The following ZNF131 variants were observed in gnomAD, a reference collection of about 807,000 sequenced individuals.
ZNF131 encodes the protein zinc finger and BTB domain containing 35.
ZNF131 carries 7 observed loss-of-function variants against 60.0 expected under a neutral mutation model. That is an observed-to-expected ratio of 0.12 (90% CI 0.07 to 0.22). The LOEUF (loss-of-function observed/expected upper bound fraction) is 0.22. Ranked by LOEUF, ZNF131 falls within the 10% of genes least tolerant of loss-of-function variation. The pLI is 1.00. For synonymous variants in ZNF131, 257 were observed against 253.2 expected, an observed-to-expected ratio of 1.01 and a Z score of -0.14; for missense variants, 493 against 740.9, an observed-to-expected ratio of 0.67 and a Z score of 3.88.
At position 43,176,264 on chromosome 5, in the gene ZNF131, T is replaced by G. The variant is rs534335149; in HGVS notation, c.*1131T>G. On this transcript the variant is annotated 3_prime_UTR_variant, in exon 7 of 7. Coordinates refer to ENST00000682664, the MANE Select transcript of ZNF131 (RefSeq NM_001330707.2). ...AAACCCATAGACCAATATGCTATTT[T>G]TTTTACCTGTTAAATATTGGGAGTT... The G allele has an allele frequency of 6.6e-6, 1 of 152,344 alleles. No homozygotes were observed. Among genetic ancestry groups the G allele is most frequent in the South Asian group, 2.1e-4 (1 of 4,832 alleles). The allele number at this position is 152,344 out of a possible 1,614,324, so 9.4% of individuals were successfully genotyped here. A position where few individuals can be genotyped will look rare whatever the true frequency, so the allele number is the denominator to read the frequency against.
Position 43,120,932 on chromosome 5 carries a change from G to A in ZNF131, c.-207G>A, listed in dbSNP as rs1217865729. On this transcript the variant is annotated 5_prime_UTR_variant, in exon 1 of 7. It adds an upstream start codon to the 5' untranslated region. Transcript: ENST00000682664. ...CGCTGCCGGGGCCGCGGCCGCCCGG[G>A]TGCCCAACCGAACGCACGTGCGCCA... 6.6e-6 allele frequency: 1 copy of A among 152,198 alleles called. No individual in the cohort carries two copies. The highest frequency in any genetic ancestry group is 1.5e-5 in the Non-Finnish European group (1 of 68,034). The allele number at this position is 152,198 out of a possible 1,614,324, so 9.4% of individuals were successfully genotyped here. A position where few individuals can be genotyped will look rare whatever the true frequency, so the allele number is the denominator to read the frequency against.
chr5:43,121,988 G>A, intron 1 of ZNF131, 51 bp from the exon 2 acceptor site: 2 of 1,573,044 alleles, frequency 1.3e-6, no homozygotes, highest in South Asian at 1.2e-5. Flanking sequence ...TAGGGGTTTT[G>A]TTCCTCGGCT....
intron 5 of ZNF131, chr5:43,167,905 A>C (rs1176272119): frequency 2.3e-6 from 1 of 443,358 alleles, no homozygotes; most frequent in Non-Finnish European, 4.5e-6. Context: ...AGAATTTATA[A>C]AGAAAAGGAA....
At chr5:43,135,778 A>G (rs1561399447) in intron 3 of ZNF131, among the ~76,000 whole-genome samples, 1 of 152,248 alleles carries the variant, frequency 6.6e-6, no homozygotes, top group East Asian at 1.9e-4. Flanking sequence ...TGGAACACTC[A>G]GTATTGTTAA....
At chr5:43,128,656 C>CAAAAAAAAAA (rs1170687481) in intron 3 of ZNF131, among the ~76,000 whole-genome samples, 10 of 70,122 alleles carry the variant, frequency 1.4e-4, no homozygotes, top group Admixed American at 1.8e-4. Flanking sequence ...GACTCCATCT[C>CAAAAAAAAAA]AAAAAAAAAA....
Position 43,175,610 on chromosome 5 carries a change from T to C in ZNF131, c.*477T>C, listed in dbSNP as rs76797695. On this transcript the variant is annotated 3_prime_UTR_variant, in exon 7 of 7. Transcript: ENST00000682664. ...GTGCATTGTTACTGTGCAGTTAAATTTTGGCTTCTGGCTTTCTTTAGTTTG... is the reference window on the plus strand; with the variant it reads ...GTGCATTGTTACTGTGCAGTTAAATCTTGGCTTCTGGCTTTCTTTAGTTTG... The C allele has an allele frequency of 1.8e-3, 1,014 of 553,762 alleles. 3 individuals are homozygous for C. The African/African-American group carries it at 0.018, about 10-fold the overall frequency. The allele number at this position is 553,762 out of a possible 1,614,324, so 34.3% of individuals were successfully genotyped here.
chr5:43,131,905 A>G (rs1745409783), intron 3 of ZNF131, among the ~76,000 whole-genome samples: 1 of 152,152 alleles, frequency 6.6e-6, no homozygotes. Flanking sequence ...CCAAGCAGGA[A>G]GGAAAAGTTT....
chr5:43,127,035 T>C (rs899660825), intron 3 of ZNF131, among the ~76,000 whole-genome samples: 1 of 152,184 alleles, frequency 6.6e-6, no homozygotes, highest in Admixed American at 6.5e-5. Flanking sequence ...GTTTTGAGTT[T>C]TGATTTCTCT....
intron 5 of ZNF131, among the ~76,000 whole-genome samples, chr5:43,163,280 T>C (rs1234495085): frequency 6.6e-6 from 1 of 152,052 alleles, no homozygotes; most frequent in Non-Finnish European, 1.5e-5. Context: ...ATCCGGCCCA[T>C]GTTTATACTT....
chr5:43,160,427 G>T (rs2111930102), intron 4 of ZNF131, among the ~76,000 whole-genome samples: 1 of 151,848 alleles, frequency 6.6e-6, no homozygotes, highest in South Asian at 2.1e-4. Context: ...TTGAGCCCAA[G>T]AGGTTGAAGC....
chr5:43,121,763 C>T (rs1316290917), intron 1 of ZNF131: 4 of 226,576 alleles, frequency 1.8e-5, no homozygotes, highest in African/African-American at 4.6e-5. Context: ...CTTGCGCGCC[C>T]TGGCGCTCGG....
chr5:43,141,595 G>A lies in ZNF131; in HGVS notation c.371+2286G>A, dbSNP rs192176896. On this transcript the variant is annotated intron_variant, in intron 4 of 6. Transcript: ENST00000682664. ...ACCAGCCTGGGCACCATGGTGAAAC[G>A]CCAACTCTATGAAAAATACAAAAAT... Among the ~76,000 whole-genome samples, 890 of 151,852 alleles carry A rather than the reference G, an allele frequency of 5.9e-3. 4 individuals carry two copies. Among genetic ancestry groups the A allele is most frequent in the Non-Finnish European group, 6.9e-3 (469 of 67,920 alleles).
chr5:43,149,274 G>T (rs1453090069), intron 4 of ZNF131, among the ~76,000 whole-genome samples: 3 of 151,772 alleles, frequency 2.0e-5, no homozygotes, highest in Non-Finnish European at 4.4e-5. Context: ...AAAAAAAAAG[G>T]CTGGGCACGG....
At chr5:43,142,384 C>T (rs1318967011) in intron 4 of ZNF131, among the ~76,000 whole-genome samples, 1 of 144,048 alleles carries the variant, frequency 6.9e-6, no homozygotes, top group Non-Finnish European at 1.5e-5. Context: ...CTCACTGCAA[C>T]CACCGCCTCC....
At chr5:43,135,702 C>T (rs1390964244) in intron 3 of ZNF131, among the ~76,000 whole-genome samples, 1 of 152,052 alleles carries the variant, frequency 6.6e-6, no homozygotes, top group Non-Finnish European at 1.5e-5. Context: ...GCCTGGGCGA[C>T]AGAGCGAGAC....
intron 4 of ZNF131, among the ~76,000 whole-genome samples, chr5:43,149,124 A>T (rs1445944553): frequency 6.6e-6 from 1 of 152,220 alleles, no homozygotes; most frequent in Non-Finnish European, 1.5e-5. Flanking sequence ...TACAAAAATT[A>T]GCTGGGCATA....
intron 5 of ZNF131, among the ~76,000 whole-genome samples, chr5:43,168,467 G>A (rs1040318123): frequency 6.6e-6 from 1 of 152,196 alleles, no homozygotes; most frequent in South Asian, 2.1e-4. Flanking sequence ...TGGCCAAAGG[G>A]GTTGGAAGGG....
At chr5:43,173,752 C>G (rs1295636352) in intron 6 of ZNF131, among the ~76,000 whole-genome samples, 1 of 151,394 alleles carries the variant, frequency 6.6e-6, no homozygotes, top group Admixed American at 6.6e-5. Flanking sequence ...TAGATTCCCC[C>G]CCCATGATTA....
chr5:43,161,504 T>G lies in ZNF131; in HGVS notation c.627T>G (p.Ser209=). The G allele has an allele frequency of 3.1e-6, 5 of 1,614,260 alleles. No individual in the cohort carries two copies. Among genetic ancestry groups the G allele is most frequent in the Non-Finnish European group, 4.2e-6 (5 of 1,180,056 alleles). The change falls in exon 5 of 7, where the codon TCT becomes TCG. Residue 209 remains serine, a synonymous_variant. Transcript: ENST00000682664. ...AGAGCACAGGTTCCTCTGATGATTCTGCTCTAGCACTGTTGGCAGATATTA... is the reference window on the plus strand; with the variant it reads ...AGAGCACAGGTTCCTCTGATGATTCGGCTCTAGCACTGTTGGCAGATATTA... The part of the protein sequence containing the change: ...YIQSTGSSDD[S]ALALLADITS...
Sources: gnomAD v4.1 joint callset for allele counts (sites outside exome capture counted in the v4.1 genomes callset) on GRCh38, gnomAD v4.1.1 for gene constraint, MANE v1.5 for transcripts, NCBI Gene and HGNC (gene_info 2026-07-23, HGNC 2026-07-21) for gene names.